ARHGAP32: variants seen among roughly 807,000 people sequenced by gnomAD.
ARHGAP32 encodes the protein rho GTPase-activating protein 32.
ARHGAP32 carries 51 observed loss-of-function variants against 186.5 expected under a neutral mutation model. That is an observed-to-expected ratio of 0.27 (90% CI 0.22 to 0.35). The LOEUF (loss-of-function observed/expected upper bound fraction) is 0.35. ARHGAP32 is among the 10% of genes least tolerant of loss of function. The pLI is 1.00. For missense variants in ARHGAP32, 2,186 were observed against 2,623.5 expected, an observed-to-expected ratio of 0.83 and a Z score of 3.64; for synonymous variants, 950 against 964.3, an observed-to-expected ratio of 0.99 and a Z score of 0.27.
intron 2 of ARHGAP32, among the ~76,000 whole-genome samples, chr11:129,131,078 GA>G (rs796910533): frequency 1.3e-4 from 19 of 148,386 alleles, no homozygotes; most frequent in African/African-American, 4.2e-4. Context: ...GAAGACAGAA[GA>G]AAAAAATCTT....
At chr11:129,233,082 A>G (rs1334301075) in intron 1 of ARHGAP32, among the ~76,000 whole-genome samples, 1 of 152,158 alleles carries the variant, frequency 6.6e-6, no homozygotes, top group Non-Finnish European at 1.5e-5. Context: ...CTGGAGTATA[A>G]TGCTATTTTT....
chr11:129,179,443 G>C (rs1943998612), intron 1 of ARHGAP32, among the ~76,000 whole-genome samples: 2 of 152,016 alleles, frequency 1.3e-5, no homozygotes, highest in Admixed American at 6.5e-5. Flanking sequence ...CCCATTAATG[G>C]GTATATACCC....
intron 2 of ARHGAP32, among the ~76,000 whole-genome samples, chr11:129,161,774 G>A (rs1943535343): frequency 6.6e-6 from 1 of 152,136 alleles, no homozygotes; most frequent in Admixed American, 6.5e-5. Flanking sequence ...AATACCATTT[G>A]ACCCAGCAAT....
chr11:129,202,431 T>C (rs1332328686), intron 1 of ARHGAP32, among the ~76,000 whole-genome samples: 1 of 151,830 alleles, frequency 6.6e-6, no homozygotes, highest in East Asian at 1.9e-4. Context: ...GAATAGGAAA[T>C]ATAAGTTCAA....
intron 5 of ARHGAP32, among the ~76,000 whole-genome samples, chr11:129,102,536 A>T (rs1434981976): frequency 1.3e-5 from 2 of 152,164 alleles, no homozygotes; most frequent in Admixed American, 6.5e-5. Context: ...AAAACAATTT[A>T]AAAATGGGCA....
chr11:129,202,253 A>AC (rs2135577232), intron 1 of ARHGAP32, among the ~76,000 whole-genome samples: 1 of 152,268 alleles, frequency 6.6e-6, no homozygotes, highest in Non-Finnish European at 1.5e-5. Flanking sequence ...TCACTGTTTA[A>AC]CTTTTTAGTT....
Position 128,969,425 on chromosome 11 carries a change from C to T in ARHGAP32, c.5788G>A (p.Glu1930Lys). Residue 1930 changes from glutamate to lysine, a missense_variant, in exon 23 of 23, where the codon GAG (glutamate) becomes AAG (lysine). By Grantham distance (56) the Glu-to-Lys change is moderately conservative (BLOSUM62 1). Around this residue, in one of 5 missense-constraint regions of ARHGAP32, gnomAD observed 1,502 missense variants for 1,570.0 expected, o/e 0.96. Transcript: ENST00000682385. This position sits in a 1 kb window ranked among gnomAD's most constrained non-coding sequence, Gnocchi z 4.8. ...YGSKGIPDTSEPVSYHNSGVK... is the reference protein window; with the variant it reads ...YGSKGIPDTSKPVSYHNSGVK... ...CCAGAGTTGTGGTAGCTGACTGGCTCAGAAGTGTCTGGAATCCCTTTGGAC... is the reference window on the plus strand; with the variant it reads ...CCAGAGTTGTGGTAGCTGACTGGCTTAGAAGTGTCTGGAATCCCTTTGGAC... The T allele has an allele frequency of 6.2e-7, 1 of 1,614,178 alleles. No homozygotes were observed.
chr11:129,143,124 T>C (rs997953528), intron 2 of ARHGAP32, among the ~76,000 whole-genome samples: 3 of 142,480 alleles, frequency 2.1e-5, no homozygotes, highest in Non-Finnish European at 4.6e-5. Flanking sequence ...ATACAAAATT[T>C]GTGCTGTCAA....
At chr11:129,112,116 A>C (rs1228950497) in intron 5 of ARHGAP32, among the ~76,000 whole-genome samples, 1 of 152,006 alleles carries the variant, frequency 6.6e-6, no homozygotes, top group Non-Finnish European at 1.5e-5. Context: ...GGTGGCTTGC[A>C]CCTGTAGTCC....
At chr11:129,136,996 A>C (rs1351333739) in intron 2 of ARHGAP32, among the ~76,000 whole-genome samples, 1 of 152,012 alleles carries the variant, frequency 6.6e-6, no homozygotes, top group African/African-American at 2.4e-5. Flanking sequence ...TAGTAACTAA[A>C]GGGTGAGAAC....
intron 2 of ARHGAP32, among the ~76,000 whole-genome samples, chr11:129,129,510 C>T (rs1187245993): frequency 2.0e-5 from 3 of 152,306 alleles, no homozygotes; most frequent in East Asian, 1.9e-4. Context: ...CCCCTCTGCC[C>T]GGCCGCCACC....
At chr11:129,001,786 A>G (rs1207689772) in intron 11 of ARHGAP32, among the ~76,000 whole-genome samples, 3 of 152,162 alleles carry the variant, frequency 2.0e-5, no homozygotes, top group Non-Finnish European at 4.4e-5. Context: ...TAATTTTTAT[A>G]TAAGGTGAGA....
chr11:129,094,827 G>T (rs1289886517), intron 5 of ARHGAP32, among the ~76,000 whole-genome samples: 1 of 152,142 alleles, frequency 6.6e-6, no homozygotes, highest in Non-Finnish European at 1.5e-5. Flanking sequence ...TTTATAATTT[G>T]CAATGTAATA....
At chr11:129,072,360 A>T (rs1940895288) in intron 6 of ARHGAP32, among the ~76,000 whole-genome samples, 1 of 152,206 alleles carries the variant, frequency 6.6e-6, no homozygotes, top group African/African-American at 2.4e-5. Context: ...TACATTCATG[A>T]TACAGTTCCA....
chr11:129,048,479 A>T (rs570496168), intron 10 of ARHGAP32, among the ~76,000 whole-genome samples: 82 of 149,446 alleles, frequency 5.5e-4, no homozygotes, highest in African/African-American at 1.9e-3. Context: ...TAAAGTATCT[A>T]TTTTTTTTTT....
chr11:129,193,497 A>ATAT (rs780175573), upstream of ARHGAP32, among the ~76,000 whole-genome samples: 35 of 79,914 alleles, frequency 4.4e-4, 1 homozygote, highest in African/African-American at 1.2e-3. Context: ...AAAAAAAAAA[A>ATAT]AAATATATAT....
intron 1 of ARHGAP32, among the ~76,000 whole-genome samples, chr11:129,199,169 G>A (rs888647103): frequency 1.3e-5 from 2 of 152,172 alleles, no homozygotes; most frequent in African/African-American, 4.8e-5. Context: ...TTTTATAAGG[G>A]AAACAGAGAA....
At chr11:129,053,237 C>T (rs888030126) in intron 10 of ARHGAP32, among the ~76,000 whole-genome samples, 2 of 151,910 alleles carry the variant, frequency 1.3e-5, no homozygotes, top group South Asian at 4.1e-4. Context: ...TATCTAATGG[C>T]ACTAATAAGA....
At chr11:129,050,516 C>A (rs1440291248) in intron 10 of ARHGAP32, among the ~76,000 whole-genome samples, 1 of 152,068 alleles carries the variant, frequency 6.6e-6, no homozygotes, top group Non-Finnish European at 1.5e-5. Context: ...AGTGAGAGTT[C>A]TTTGTATGTT....
Sources: allele counts gnomAD v4.1 joint callset (sites outside exome capture counted in the v4.1 genomes callset), GRCh38; gene constraint gnomAD v4.1.1; regional missense constraint gnomAD v4.1.1; non-coding constraint Gnocchi (gnomAD v3.1); transcripts MANE v1.5; gene names NCBI Gene and HGNC (gene_info 2026-07-23, HGNC 2026-07-21).